SCN2A: variants seen among roughly 807,000 people sequenced by gnomAD.
SCN2A encodes sodium voltage-gated channel alpha subunit 2, also known as sodium channel protein type 2 subunit alpha.
In SCN2A, 20 loss-of-function variants were observed where a neutral mutation model predicts 188.7. That is an observed-to-expected ratio of 0.11 (90% CI 0.07 to 0.15). The LOEUF (loss-of-function observed/expected upper bound fraction) is 0.15. SCN2A is among the 10% of genes least tolerant of loss of function. SCN2A has a pLI of 1.00. For synonymous variants in SCN2A, 804 were observed against 833.1 expected (o/e 0.97, Z 0.60); for missense variants, 1,278 against 2,445.0 (o/e 0.52, Z 10.07).
At chr2:165,267,031 C>T (rs992179959) in intron 1 of SCN2A, 15 of 151,888 alleles carry the variant, frequency 9.9e-5, no homozygotes, top group African/African-American at 3.6e-4. Flanking sequence ...AAAGATATCC[C>T]GTGTTAACGA....
intron 18 of SCN2A, among the ~76,000 whole-genome samples, 175 bp downstream of exon 18, chr2:165,365,438 T>TA (rs1700676212): frequency 1.4e-5 from 1 of 71,802 alleles, no homozygotes; most frequent in African/African-American, 6.3e-5. Context: ...TACATTTATT[T>TA]GTTTTTTTTT....
intron 15 of SCN2A, 44 bp downstream of exon 15, chr2:165,342,513 T>A: frequency 6.3e-7 from 1 of 1,588,214 alleles, no homozygotes; most frequent in Non-Finnish European, 8.6e-7. Context: ...TTGTAATTAA[T>A]TAGTCTTCAT....
At position 165,391,866 on chromosome 2, in the gene SCN2A, T is replaced by C. The variant is rs2105407200; in HGVS notation, c.*2042T>C. The C allele has an allele frequency of 6.6e-6, 1 of 152,630 alleles. No individual in the cohort carries two copies. Among genetic ancestry groups the C allele is most frequent in the Non-Finnish European group, 1.5e-5 (1 of 67,960 alleles). The allele number at this position is 152,630 out of a possible 1,614,324, so 9.5% of individuals were successfully genotyped here. A position where few individuals can be genotyped will look rare whatever the true frequency, so the allele number is the denominator to read the frequency against. On this transcript the variant is annotated 3_prime_UTR_variant, in exon 27 of 27. Coordinates refer to ENST00000375437, the MANE Select transcript of SCN2A (RefSeq NM_001040142.2). ...CACAAAACCAGGTAGTGAAGTTATATTACCAGTTACAGCAAAATACTTTGT... is the reference window on the plus strand; with the variant it reads ...CACAAAACCAGGTAGTGAAGTTATACTACCAGTTACAGCAAAATACTTTGT...
chr2:165,352,870 G>A (rs1272909611), intron 16 of SCN2A, among the ~76,000 whole-genome samples: 2 of 152,046 alleles, frequency 1.3e-5, no homozygotes, highest in South Asian at 4.2e-4. Context: ...TCAAATAAGG[G>A]ATATGCAACT....
intron 22 of SCN2A, among the ~76,000 whole-genome samples, chr2:165,376,079 A>G (rs1701298732): frequency 6.6e-6 from 1 of 151,970 alleles, no homozygotes; most frequent in Admixed American, 6.6e-5. Flanking sequence ...CAAAGGATAC[A>G]AAATTCAATT....
chr2:165,252,841 G>T (rs1694153810), intron 1 of SCN2A, among the ~76,000 whole-genome samples: 1 of 151,908 alleles, frequency 6.6e-6, no homozygotes, highest in African/African-American at 2.4e-5. Context: ...CTGCTACCTT[G>T]AGGGACTATG....
chr2:165,359,399 G>A (rs1320815859), intron 17 of SCN2A, among the ~76,000 whole-genome samples: 1 of 151,996 alleles, frequency 6.6e-6, no homozygotes, highest in East Asian at 1.9e-4. Flanking sequence ...CCAATTTCCT[G>A]TTTAGAAAGA....
chr2:165,383,283 T>TA (rs1193596131), intron 25 of SCN2A, among the ~76,000 whole-genome samples: 1 of 151,786 alleles, frequency 6.6e-6, no homozygotes, highest in African/African-American at 2.4e-5. Context: ...AAGGCTTTAT[T>TA]AAAAAAATAT....
chr2:165,371,929 C>G (rs1701054119), intron 20 of SCN2A: 1 of 152,124 alleles, frequency 6.6e-6, no homozygotes, highest in Non-Finnish European at 1.5e-5. Context: ...TCTTCTTTTC[C>G]ACATTTAGCT....
chr2:165,334,625 G>C (rs556378655), intron 14 of SCN2A, among the ~76,000 whole-genome samples: 7 of 151,812 alleles, frequency 4.6e-5, no homozygotes, highest in Admixed American at 2.6e-4. Flanking sequence ...ACTTCAGCCT[G>C]ATAAACACCA....
chr2:165,308,644 G>T lies in SCN2A; in HGVS notation c.477-22G>T, dbSNP rs776563102. On this transcript the variant is annotated intron_variant, in intron 4 of 26. Transcript: ENST00000375437. The stretch of plus-strand genomic sequence containing the variant: ...AAATTAACCACTAGATTTTTAATGT[G>T]AGCTTGGCTATTTTCTCTCAGGTAT... 3 of 1,608,374 alleles carry T rather than the reference G, an allele frequency of 1.9e-6. No homozygotes were observed. In the African/African-American group the frequency reaches 4.0e-5, roughly 22 times the overall value.
At position 165,390,180 on chromosome 2, in the gene SCN2A, G is replaced by GT. The variant is rs1702073171; in HGVS notation, c.*359dup. On this transcript the variant is annotated 3_prime_UTR_variant, in exon 27 of 27. Coordinates refer to ENST00000375437, the MANE Select transcript of SCN2A (RefSeq NM_001040142.2). ...CTTGATAATAGTAATTGTCACCAGT[G>GT]TTTATGTTTTAACTGCCACACCTGC... The GT allele has an allele frequency of 4.7e-6, 1 of 214,996 alleles. No individual in the cohort carries two copies. Among genetic ancestry groups the GT allele is most frequent in the Non-Finnish European group, 9.4e-6 (1 of 106,810 alleles). 13.3% of individuals were successfully genotyped at this position (214,996 alleles called of 1,614,324 possible).
At chr2:165,298,869 T>C (rs189951770) in intron 3 of SCN2A, among the ~76,000 whole-genome samples, 1 of 152,186 alleles carries the variant, frequency 6.6e-6, no homozygotes. Context: ...CTAGTAGACA[T>C]TGGGAAAATA....
chr2:165,340,501 T>C (rs558287038), intron 14 of SCN2A, among the ~76,000 whole-genome samples: 1 of 152,340 alleles, frequency 6.6e-6, no homozygotes, highest in East Asian at 1.9e-4. Context: ...AGATGAATTT[T>C]GGACCTGTTG....
At chr2:165,344,395 A>C (rs1339568114) in intron 15 of SCN2A, among the ~76,000 whole-genome samples, 160 bp from the exon 16 acceptor site, 1 of 152,000 alleles carries the variant, frequency 6.6e-6, no homozygotes, top group Non-Finnish European at 1.5e-5. Flanking sequence ...TCCTGTGTCC[A>C]TGTGACTAAC....
intron 1 of SCN2A, chr2:165,269,978 G>T (rs1695034200): frequency 6.6e-6 from 1 of 151,626 alleles, no homozygotes; most frequent in Non-Finnish European, 1.5e-5. Flanking sequence ...GCAGCATCTT[G>T]CACAGGGCTT....
chr2:165,354,381 G>A lies in SCN2A; in HGVS notation c.3109G>A (p.Asp1037Asn), dbSNP rs926542477. The A allele has an allele frequency of 6.2e-7, 1 of 1,613,972 alleles. No individual in the cohort carries two copies. Among genetic ancestry groups the A allele is most frequent in the Non-Finnish European group, 8.5e-7 (1 of 1,179,912 alleles). The change falls in exon 17 of 27, where the codon GAT becomes AAT. Residue 1037 changes from aspartate to asparagine, a missense_variant. Coordinates refer to ENST00000375437, the MANE Select transcript of SCN2A (RefSeq NM_001040142.2). ...CTTTGTTAGGAAGCAGAAAGCTTTA[G>A]ATGAAATTAAACCGCTTGAAGATCT... The part of the protein sequence containing the change: ...KAFVRKQKAL[D>N]EIKPLEDLNN...
chr2:165,307,480 T>C (rs1697198707), intron 3 of SCN2A, among the ~76,000 whole-genome samples: 2 of 152,248 alleles, frequency 1.3e-5, no homozygotes, highest in South Asian at 4.1e-4. Context: ...TTGAATTGTC[T>C]TGTTGAATTT....
chr2:165,300,576 C>G (rs939517211), intron 3 of SCN2A, among the ~76,000 whole-genome samples: 3 of 152,098 alleles, frequency 2.0e-5, no homozygotes, highest in Non-Finnish European at 2.9e-5. Context: ...ATATGGGAAT[C>G]TAGGGATAAA....
Sources: allele counts gnomAD v4.1 joint callset (sites outside exome capture counted in the v4.1 genomes callset), GRCh38; gene constraint gnomAD v4.1.1; transcripts MANE v1.5; gene names NCBI Gene and HGNC (gene_info 2026-07-23, HGNC 2026-07-21).